The following LMX1A variants were observed in gnomAD, a reference collection of about 807,000 sequenced individuals.
The protein encoded by LMX1A is LIM homeobox transcription factor 1-alpha.
A neutral mutation model predicts 49.1 loss-of-function variants in LMX1A; 15 were observed. The observed-to-expected ratio is 0.31, with a 90% confidence interval of 0.20 to 0.47. The LOEUF is 0.47. LMX1A is among the 20% of genes least tolerant of loss of function. LMX1A has a pLI of 1.00. For synonymous variants in LMX1A, 167 were observed against 185.7 expected (o/e 0.90, Z 0.82); for missense variants, 372 against 475.8 (o/e 0.78, Z 2.03).
chr1:165,203,874 G>T lies in LMX1A; in HGVS notation c.*6C>A. The T allele has an allele frequency of 6.2e-7, 1 of 1,613,790 alleles. No homozygotes were observed. On this transcript the variant is annotated 3_prime_UTR_variant, in exon 9 of 9. Transcript: ENST00000342310. ...GGAGCCTAGTCACAGAACTCTAGGG[G>T]AAGACTCAAGATGTGAAGTAAGAAT...
At chr1:165,241,551 G>C (rs1277221238) in intron 4 of LMX1A, among the ~76,000 whole-genome samples, 5 of 152,168 alleles carry the variant, frequency 3.3e-5, no homozygotes, top group African/African-American at 4.8e-5. Context: ...TGTGAGTGTA[G>C]GGAAAGCATC....
At chr1:165,290,588 C>T (rs909170815) in intron 3 of LMX1A, among the ~76,000 whole-genome samples, 8 of 152,092 alleles carry the variant, frequency 5.3e-5, no homozygotes, top group African/African-American at 1.9e-4. Flanking sequence ...ATCTTTTGGA[C>T]CTGATGTCTT....
intron 3 of LMX1A, among the ~76,000 whole-genome samples, chr1:165,337,537 A>G (rs1277880929): frequency 6.6e-6 from 1 of 152,190 alleles, no homozygotes; most frequent in Non-Finnish European, 1.5e-5. Flanking sequence ...CATGAGGTGC[A>G]TTGTCTCTTG....
At chr1:165,226,815 A>T (rs1184943649) in intron 4 of LMX1A, among the ~76,000 whole-genome samples, 3 of 152,264 alleles carry the variant, frequency 2.0e-5, no homozygotes. Context: ...TAGACACTTT[A>T]TCTTCAGGGA....
chr1:165,235,729 T>C (rs1475954893), intron 4 of LMX1A, among the ~76,000 whole-genome samples: 6 of 152,028 alleles, frequency 3.9e-5, no homozygotes, highest in Admixed American at 2.6e-4. Context: ...GAAATGTTAG[T>C]ACACTTTTAA....
intron 4 of LMX1A, among the ~76,000 whole-genome samples, chr1:165,222,884 C>T (rs996418796): frequency 2.0e-5 from 3 of 152,192 alleles, no homozygotes; most frequent in Non-Finnish European, 4.4e-5. Flanking sequence ...AAAACAGGGT[C>T]AGATACCTAG....
At chr1:165,261,947 G>A (rs1653452885) in intron 3 of LMX1A, among the ~76,000 whole-genome samples, 2 of 152,172 alleles carry the variant, frequency 1.3e-5, no homozygotes, top group Non-Finnish European at 2.9e-5. Flanking sequence ...AGACAGTGGT[G>A]ATAGTAGCAC....
intron 3 of LMX1A, among the ~76,000 whole-genome samples, chr1:165,256,054 G>C (rs927239911): frequency 2.6e-5 from 4 of 152,106 alleles, no homozygotes; most frequent in African/African-American, 9.7e-5. Flanking sequence ...CTTTGACATG[G>C]GCATGACTGC....
intron 3 of LMX1A, among the ~76,000 whole-genome samples, chr1:165,299,770 T>A (rs367795162): frequency 2.6e-4 from 34 of 131,922 alleles, no homozygotes; most frequent in South Asian, 7.5e-4. Context: ...AGAAACACAC[T>A]AAAAAAAAAA....
intron 3 of LMX1A, among the ~76,000 whole-genome samples, chr1:165,284,537 C>T (rs906968878): frequency 1.3e-5 from 2 of 152,166 alleles, no homozygotes; most frequent in South Asian, 2.1e-4. Flanking sequence ...TTACAGCTAG[C>T]GGCATTTTAC....
rs1012177455 is a variant in LMX1A, at chr1:165,349,343, C to T, written c.263+3733G>A. On this transcript the variant is annotated intron_variant, in intron 3 of 8. Coordinates refer to ENST00000342310, the MANE Select transcript of LMX1A (RefSeq NM_177398.4). The stretch of plus-strand genomic sequence containing the variant: ...GAGGACTCAGTTAAATAGGGAACAA[C>T]AGTTATATAAATAGAAGTCCCCTAG... 6.6e-5 allele frequency among the ~76,000 whole-genome samples: 10 copies of T among 152,328 alleles called. No individual in the cohort carries two copies. The South Asian group carries it at 2.1e-3, about 32-fold the overall frequency.
chr1:165,222,478 T>A (rs186969084), intron 4 of LMX1A, among the ~76,000 whole-genome samples: 1 of 152,330 alleles, frequency 6.6e-6, no homozygotes, highest in African/African-American at 2.4e-5. Context: ...TAATTACTAG[T>A]CTTTTGAAGG....
At chr1:165,273,538 G>A (rs1240808386) in intron 3 of LMX1A, among the ~76,000 whole-genome samples, 1 of 151,454 alleles carries the variant, frequency 6.6e-6, no homozygotes, top group Non-Finnish European at 1.5e-5. Context: ...CTGGGATCCT[G>A]TATATTGACC....
At chr1:165,302,211 G>A (rs1470968291) in intron 3 of LMX1A, among the ~76,000 whole-genome samples, 1 of 151,764 alleles carries the variant, frequency 6.6e-6, no homozygotes, top group Non-Finnish European at 1.5e-5. Context: ...GCCGGTGGGG[G>A]GCGGGGTGGA....
At chr1:165,337,826 T>A (rs1002483883) in intron 3 of LMX1A, among the ~76,000 whole-genome samples, 3 of 151,012 alleles carry the variant, frequency 2.0e-5, no homozygotes, top group African/African-American at 7.4e-5. Flanking sequence ...TGACCCAACA[T>A]AGGCATATCC....
At chr1:165,272,584 TG>T (rs1653830042) in intron 3 of LMX1A, among the ~76,000 whole-genome samples, 1 of 152,078 alleles carries the variant, frequency 6.6e-6, no homozygotes, top group African/African-American at 2.4e-5. Flanking sequence ...AGTGGCGATT[TG>T]GGAGGACCAG....
intron 3 of LMX1A, among the ~76,000 whole-genome samples, chr1:165,337,886 T>TGTGTGTG (rs1553213775): frequency 0.023 from 475 of 20,790 alleles, 4 homozygotes; most frequent in African/African-American, 0.044. Flanking sequence ...GTGTGTGTGT[T>TGTGTGTG]TCTGTGTGTG....
At chr1:165,241,013 T>C (rs1652630540) in intron 4 of LMX1A, among the ~76,000 whole-genome samples, 1 of 152,230 alleles carries the variant, frequency 6.6e-6, no homozygotes, top group Admixed American at 6.5e-5. Context: ...CATTCTTGCT[T>C]GAAATTTCTA....
At chr1:165,223,529 C>T (rs1266911320) in intron 4 of LMX1A, among the ~76,000 whole-genome samples, 1 of 152,170 alleles carries the variant, frequency 6.6e-6, no homozygotes, top group Non-Finnish European at 1.5e-5. Flanking sequence ...GAAAACAGAG[C>T]AATGGGATAA....
Sources: gnomAD v4.1 joint callset for allele counts (sites outside exome capture counted in the v4.1 genomes callset) on GRCh38, gnomAD v4.1.1 for gene constraint, MANE v1.5 for transcripts, NCBI Gene and HGNC (gene_info 2026-07-23, HGNC 2026-07-21) for gene names.